Variants in TJP1 observed in about 807,000 individuals in gnomAD.
TJP1 encodes the protein tight junction protein ZO-1.
In TJP1, 43 loss-of-function variants were observed where a neutral mutation model predicts 194.2. The ratio of observed to expected loss-of-function variants is 0.22; its 90% CI spans 0.17 to 0.29. The LOEUF (loss-of-function observed/expected upper bound fraction) is 0.29. Among genes scored for constraint, TJP1 ranks in the 10% least tolerant of loss-of-function variants. The pLI is 1.00. For missense variants in TJP1, 1,971 were observed against 2,185.7 expected (o/e 0.90, Z 1.96); for synonymous variants, 801 against 779.0 (o/e 1.03, Z -0.47).
At chr15:29,792,279 T>C (rs187048904) in intron 2 of TJP1, among the ~76,000 whole-genome samples, 1 of 152,322 alleles carries the variant, frequency 6.6e-6, no homozygotes, top group Non-Finnish European at 1.5e-5. Context: ...TGTTTTAGTA[T>C]ACGGCAAGAA....
chr15:29,740,834 G>C (rs1398970011), intron 10 of TJP1, among the ~76,000 whole-genome samples: 1 of 151,864 alleles, frequency 6.6e-6, no homozygotes. Flanking sequence ...TTGCCCCCAA[G>C]GAAACATCTG....
rs369457967 is a variant in TJP1, at chr15:29,781,548, T to C, written c.85-8191A>G. ...TCAGGCAAATTATCTTTGATACACA[T>C]TGATGCAAAAATCCTCAACAAAATA... On this transcript the variant is annotated intron_variant, in intron 2 of 27. Transcript: ENST00000614355. Among the ~76,000 whole-genome samples, 34 of 152,268 alleles carry C rather than the reference T, an allele frequency of 2.2e-4. No homozygotes were observed. In the South Asian group the frequency reaches 3.1e-3, roughly 14 times the overall value.
At chr15:29,960,473 A>AC (rs1425442235) in intron 1 of TJP1, among the ~76,000 whole-genome samples, 1 of 151,600 alleles carries the variant, frequency 6.6e-6, no homozygotes, top group African/African-American at 2.4e-5. Flanking sequence ...TCTCTACAAA[A>AC]AATACAAAAA....
chr15:29,856,002 C>T (rs2051835843), intron 2 of TJP1, among the ~76,000 whole-genome samples: 1 of 152,160 alleles, frequency 6.6e-6, no homozygotes, highest in African/African-American at 2.4e-5. Flanking sequence ...CATATAGGAA[C>T]TTGTATGCAA....
At chr15:29,820,122 C>T (rs2050222364) in intron 1 of TJP1, among the ~76,000 whole-genome samples, 1 of 149,770 alleles carries the variant, frequency 6.7e-6, no homozygotes, top group Non-Finnish European at 1.5e-5. Context: ...AACTATCATG[C>T]TAAAACAGTA....
chr15:29,709,082 A>ATT lies in TJP1; in HGVS notation c.4373-47_4373-46insAA, dbSNP rs1372179250. Reference sequence around the variant, plus strand: ...TTTAAATAACTTTCTGAAAAAAGTTATAATAGCCCTGTCCCAGCTTAACTT... The same window carrying ATT: ...TTTAAATAACTTTCTGAAAAAAGTTATTTAATAGCCCTGTCCCAGCTTAACTT... On this transcript the variant is annotated intron_variant, in intron 24 of 27. Coordinates refer to ENST00000614355, the MANE Select transcript of TJP1 (RefSeq NM_001330239.4). 1.9e-6 allele frequency: 3 copies of ATT among 1,543,818 alleles called. No individual in the cohort carries two copies. The African/African-American group carries it at 4.1e-5, about 21-fold the overall frequency.
intron 1 of TJP1, among the ~76,000 whole-genome samples, chr15:29,801,925 G>A (rs1326435374): frequency 6.6e-6 from 1 of 151,948 alleles, no homozygotes. Context: ...TCATAATGTT[G>A]TAAGAAAATT....
At chr15:29,924,308 T>C (rs2054458105) in intron 2 of TJP1, among the ~76,000 whole-genome samples, 1 of 152,164 alleles carries the variant, frequency 6.6e-6, no homozygotes, top group Non-Finnish European at 1.5e-5. Flanking sequence ...TGGGCTCAAG[T>C]GATCTGCCCA....
At chr15:29,944,179 G>A (rs182711811) in intron 2 of TJP1, among the ~76,000 whole-genome samples, 83 of 151,700 alleles carry the variant, frequency 5.5e-4, no homozygotes, top group Non-Finnish European at 8.2e-4. Flanking sequence ...TGCAAGCTCC[G>A]CCTCCCGGGT....
intron 2 of TJP1, among the ~76,000 whole-genome samples, chr15:29,891,405 GGGGAT>G (rs1416976803): frequency 2.0e-5 from 3 of 152,212 alleles, no homozygotes; most frequent in Non-Finnish European, 4.4e-5. Context: ...ACTGAAAAAA[GGGGAT>G]TCCCTGAATG....
At chr15:29,898,506 A>T (rs1042789091) in intron 2 of TJP1, among the ~76,000 whole-genome samples, 1 of 152,226 alleles carries the variant, frequency 6.6e-6, no homozygotes, top group Non-Finnish European at 1.5e-5. Context: ...GCAACAACTT[A>T]TTTAATTTTC....
Position 29,766,335 on chromosome 15 carries a change from G to A in TJP1, c.520C>T (p.Arg174Trp), listed in dbSNP as rs2046328846. 5 of 1,614,072 alleles carry A rather than the reference G, an allele frequency of 3.1e-6. No individual in the cohort carries two copies. The highest frequency in any genetic ancestry group is 2.2e-5 in the East Asian group (1 of 44,892). Residue 174 changes from arginine to tryptophan, a missense_variant, in exon 5 of 28, where the codon CGG becomes TGG. This residue lies in a region of TJP1 where 245 missense variants were observed against 336.6 expected (regional missense o/e 0.73). Coordinates refer to ENST00000614355, the MANE Select transcript of TJP1 (RefSeq NM_001330239.4). ...GCAGGCTGGCTGGAAGCCACTGACC[G>A]CCTGTCTGACCGCGGGGACAAGCTC... is the stretch of plus-strand genomic sequence containing the variant. ...ERSLSPRSDR[R>W]SVASSQPAKP...
chr15:29,770,989 G>T (rs1464300980), intron 4 of TJP1, among the ~76,000 whole-genome samples: 1 of 152,070 alleles, frequency 6.6e-6, no homozygotes, highest in Non-Finnish European at 1.5e-5. Context: ...CCACTCACTC[G>T]CTGACTCACT....
intron 2 of TJP1, among the ~76,000 whole-genome samples, chr15:29,953,801 C>A (rs2055844098): frequency 6.6e-6 from 1 of 152,148 alleles, no homozygotes; most frequent in African/African-American, 2.4e-5. Flanking sequence ...AATTAGACTT[C>A]ATTAATACAT....
chr15:29,888,557 G>A (rs573450848), intron 2 of TJP1, among the ~76,000 whole-genome samples: 5 of 152,304 alleles, frequency 3.3e-5, no homozygotes, highest in African/African-American at 4.8e-5. Context: ...TGAATTAAAC[G>A]TATATTAAAG....
At chr15:29,952,086 T>C (rs1474795094) in intron 2 of TJP1, among the ~76,000 whole-genome samples, 1 of 152,184 alleles carries the variant, frequency 6.6e-6, no homozygotes, top group Non-Finnish European at 1.5e-5. Context: ...ATTCACTAAA[T>C]CTAAAGACAA....
chr15:29,965,999 G>A (rs990807518), intron 1 of TJP1, among the ~76,000 whole-genome samples: 10 of 152,196 alleles, frequency 6.6e-5, no homozygotes, highest in Non-Finnish European at 1.5e-4. Flanking sequence ...CTAACTCACT[G>A]CCTACCTCAA....
chr15:29,732,943 T>C, intron 13 of TJP1, 128 bp from the exon 14 acceptor site: 2 of 1,247,732 alleles, frequency 1.6e-6, no homozygotes, highest in Non-Finnish European at 1.1e-6. Flanking sequence ...ATGGTTATAA[T>C]AAAGAGGAGT....
chr15:29,912,814 C>T (rs915922032), intron 2 of TJP1, among the ~76,000 whole-genome samples: 2 of 147,438 alleles, frequency 1.4e-5, no homozygotes, highest in African/African-American at 5.0e-5. Context: ...CTTATCAAAA[C>T]TCTCAGAAAC....
Sources: gnomAD v4.1 joint callset for allele counts (sites outside exome capture counted in the v4.1 genomes callset) on GRCh38, gnomAD v4.1.1 for gene constraint, gnomAD v4.1.1 regional missense constraint, MANE v1.5 for transcripts, NCBI Gene and HGNC (gene_info 2026-07-23, HGNC 2026-07-21) for gene names.